Variants in KIF6 observed in about 807,000 individuals in gnomAD.
KIF6 encodes kinesin family member 6.
Under a neutral mutation model 112.7 loss-of-function variants are expected in KIF6, and 106 were observed. That is an observed-to-expected ratio of 0.94 (90% CI 0.80 to 1.11). The LOEUF is 1.11. KIF6 is among the 50% of genes least tolerant of loss of function. KIF6 has a pLI of 0.00. For synonymous variants in KIF6, 339 were observed against 339.9 expected (o/e 1.00, Z 0.03); for missense variants, 929 against 964.0 (o/e 0.96, Z 0.48).
At chr6:39,658,975 C>A (rs1350644317) in intron 3 of KIF6, among the ~76,000 whole-genome samples, 1 of 152,226 alleles carries the variant, frequency 6.6e-6, no homozygotes, top group Non-Finnish European at 1.5e-5. Context: ...CCCAAACTAT[C>A]CTGGACAGAG....
At chr6:39,504,508 GC>G (rs1404217880) in intron 13 of KIF6, among the ~76,000 whole-genome samples, 4 of 152,140 alleles carry the variant, frequency 2.6e-5, no homozygotes, top group African/African-American at 9.7e-5. Flanking sequence ...GGGCAATCAG[GC>G]AAGATAAATA....
intron 10 of KIF6, 36 bp from the exon 11 acceptor site, chr6:39,545,724 C>T (rs755251141): frequency 2.0e-5 from 27 of 1,352,796 alleles, no homozygotes; most frequent in Non-Finnish European, 2.6e-5. Context: ...CAACTGTGAG[C>T]TAGAAGCTTT....
intron 3 of KIF6, among the ~76,000 whole-genome samples, chr6:39,698,856 T>G (rs1036915822): frequency 6.6e-6 from 1 of 152,212 alleles, no homozygotes; most frequent in East Asian, 1.9e-4. Flanking sequence ...CATGGCTCTA[T>G]AATGGGAATT....
chr6:39,647,537 G>T (rs1033573884), intron 3 of KIF6, among the ~76,000 whole-genome samples: 4 of 152,050 alleles, frequency 2.6e-5, no homozygotes, highest in African/African-American at 9.7e-5. Flanking sequence ...GAGTGCCTTT[G>T]TGTCTCCTGT....
intron 5 of KIF6, among the ~76,000 whole-genome samples, chr6:39,618,117 A>G (rs1175870985): frequency 6.6e-6 from 1 of 152,214 alleles, no homozygotes; most frequent in East Asian, 1.9e-4. Flanking sequence ...GTTATAAAAT[A>G]TAAATACTTG....
At chr6:39,519,235 T>G (rs180826771) in intron 13 of KIF6, among the ~76,000 whole-genome samples, 9 of 152,252 alleles carry the variant, frequency 5.9e-5, no homozygotes, top group Admixed American at 5.2e-4. Flanking sequence ...AAACTTCCAA[T>G]GGAATAGGCC....
At chr6:39,432,105 C>T (rs985302586) in intron 13 of KIF6, among the ~76,000 whole-genome samples, 1 of 152,210 alleles carries the variant, frequency 6.6e-6, no homozygotes, top group Non-Finnish European at 1.5e-5. Flanking sequence ...TATCAATACA[C>T]CTATAATATG....
Position 39,674,998 on chromosome 6 carries a change from T to TA in KIF6, c.252-35242dup, listed in dbSNP as rs141385748. Among the ~76,000 whole-genome samples, 816 of 152,168 alleles carry TA rather than the reference T, an allele frequency of 5.4e-3. 8 individuals are homozygous for TA. Among genetic ancestry groups the TA allele is most frequent in the Middle Eastern group, 0.048 (14 of 294 alleles). Reference sequence around the variant, plus strand: ...ACTCAGACTTTCAATTCTCCCACTATAGCTGTCCAGAAAGCCTAAAATCTC... The same window carrying TA: ...ACTCAGACTTTCAATTCTCCCACTATAAGCTGTCCAGAAAGCCTAAAATCTC... On this transcript the variant is annotated intron_variant, in intron 3 of 22. Transcript: ENST00000287152.
chr6:39,553,506 T>G (rs111951412), intron 10 of KIF6, among the ~76,000 whole-genome samples: 1 of 152,226 alleles, frequency 6.6e-6, no homozygotes, highest in Admixed American at 6.5e-5. Context: ...GGTGCATGTA[T>G]GCATTCATGG....
At chr6:39,341,729 C>T (rs1410561294) in intron 22 of KIF6, among the ~76,000 whole-genome samples, 3 of 151,456 alleles carry the variant, frequency 2.0e-5, no homozygotes, top group African/African-American at 7.2e-5. Flanking sequence ...CCCTGCCTTT[C>T]TCATTTCAGT....
intron 9 of KIF6, among the ~76,000 whole-genome samples, chr6:39,582,578 A>AT (rs1463143436): frequency 7.9e-5 from 12 of 151,582 alleles, no homozygotes; most frequent in African/African-American, 1.5e-4. Flanking sequence ...CGCCCGGCTA[A>AT]TTTTTTTTGT....
chr6:39,458,425 G>C (rs1773281766), intron 13 of KIF6, among the ~76,000 whole-genome samples: 1 of 141,082 alleles, frequency 7.1e-6, no homozygotes, highest in East Asian at 2.1e-4. Context: ...ATACTGAATG[G>C]GCAAAAACTG....
chr6:39,596,319 A>G, intron 6 of KIF6, 59 bp from the exon 7 acceptor site: 1 of 1,139,056 alleles, frequency 8.8e-7, no homozygotes, highest in Non-Finnish European at 1.3e-6. Context: ...AAAGAATATC[A>G]AAAGATTTAA....
chr6:39,709,605 G>T (rs1214608488), intron 3 of KIF6, among the ~76,000 whole-genome samples: 2 of 152,150 alleles, frequency 1.3e-5, no homozygotes, highest in Admixed American at 1.3e-4. Flanking sequence ...TCACTGGTTT[G>T]GACGAAGTAG....
Position 39,362,499 on chromosome 6 carries a change from G to A in KIF6, c.1881C>T (p.Ala627=), listed in dbSNP as rs1364515688. ...CCTGCTGGTCTGGCATCAGAGGCACGGCCATGTTTTCCGAGATTCCTGTAG... is the reference window on the plus strand; with the variant it reads ...CCTGCTGGTCTGGCATCAGAGGCACAGCCATGTTTTCCGAGATTCCTGTAG... The part of the protein sequence containing the change: ...QVALGISENM[A]VPLMPDQQEE... Residue 627 remains alanine, a synonymous_variant, in exon 17 of 23, where the codon GCC becomes GCT. Coordinates refer to ENST00000287152, the MANE Select transcript of KIF6 (RefSeq NM_145027.6). The A allele has an allele frequency of 3.7e-6, 6 of 1,613,868 alleles. No individual in the cohort carries two copies. Among genetic ancestry groups the A allele is most frequent in the South Asian group, 1.1e-5 (1 of 91,066 alleles).
At chr6:39,546,956 G>C (rs1177836984) in intron 10 of KIF6, among the ~76,000 whole-genome samples, 2 of 152,004 alleles carry the variant, frequency 1.3e-5, no homozygotes, top group Admixed American at 1.3e-4. Context: ...CTAACATTAG[G>C]TTCTCAACAC....
intron 6 of KIF6, among the ~76,000 whole-genome samples, chr6:39,609,759 T>G: frequency 6.6e-6 from 1 of 152,176 alleles, no homozygotes. Flanking sequence ...TTGGTTTTTT[T>G]TGCCTCTGGG....
At chr6:39,510,872 CAAAAAAAAAAAAA>C (rs1180631310) in intron 13 of KIF6, among the ~76,000 whole-genome samples, 1 of 23,858 alleles carries the variant, frequency 4.2e-5, no homozygotes, top group African/African-American at 1.6e-4. Flanking sequence ...AAATGGGAAG[CAAAAAAAAAAAAA>C]AAAAAAAAAA....
intron 3 of KIF6, among the ~76,000 whole-genome samples, chr6:39,666,099 T>G (rs1378680531): frequency 1.3e-5 from 2 of 152,216 alleles, no homozygotes; most frequent in Non-Finnish European, 2.9e-5. Context: ...AGGCAAATCA[T>G]GCATTTTTAA....
Sources: gnomAD v4.1 joint callset for allele counts (sites outside exome capture counted in the v4.1 genomes callset) on GRCh38, gnomAD v4.1.1 for gene constraint, MANE v1.5 for transcripts, NCBI Gene and HGNC (gene_info 2026-07-23, HGNC 2026-07-21) for gene names.